ABHD2: variants seen among roughly 807,000 people sequenced by gnomAD.
ABHD2 encodes abhydrolase domain containing 2, acylglycerol lipase.
Under a neutral mutation model 48.1 loss-of-function variants are expected in ABHD2, and 20 were observed. The observed-to-expected ratio is 0.42, with a 90% confidence interval of 0.29 to 0.60. The LOEUF (loss-of-function observed/expected upper bound fraction) is 0.60. Among genes scored for constraint, ABHD2 ranks in the 20% least tolerant of loss-of-function variants. The pLI is 0.24. For missense variants in ABHD2, 405 were observed against 550.9 expected (o/e 0.74, Z 2.65); for synonymous variants, 209 against 214.2 (o/e 0.98, Z 0.21).
rs979351100 is a variant in ABHD2, at chr15:89,185,840, C to T, written c.815+324C>T. On this transcript the variant is annotated intron_variant, in intron 7 of 10. Coordinates refer to ENST00000352732, the MANE Select transcript of ABHD2 (RefSeq NM_152924.5). This position sits in a 1 kb window ranked among gnomAD's most constrained non-coding sequence, Gnocchi z 5.9. ...AAAAATTAGCTGGGCATGATGGTGC[C>T]GCTGTAATCCCAGCTACTTGGGAGG... Among the ~76,000 whole-genome samples, 9 of 152,056 alleles carry T rather than the reference C, an allele frequency of 5.9e-5. No individual in the cohort carries two copies. Among genetic ancestry groups the T allele is most frequent in the African/African-American group, 2.2e-4 (9 of 41,396 alleles).
intron 5 of ABHD2, among the ~76,000 whole-genome samples, chr15:89,163,853 G>A (rs544615048): frequency 6.6e-6 from 1 of 152,298 alleles, no homozygotes; most frequent in East Asian, 1.9e-4. Context: ...GGCCCGACAA[G>A]GATGACTGAC....
At chr15:89,129,673 C>G (rs756870741) in intron 3 of ABHD2, among the ~76,000 whole-genome samples, 1 of 152,096 alleles carries the variant, frequency 6.6e-6, no homozygotes, top group African/African-American at 2.4e-5. Flanking sequence ...TGAGACCCAC[C>G]TGGGCTCAGA....
chr15:89,052,120 A>C, the ABHD2 span, among the ~76,000 whole-genome samples: 8 of 152,222 alleles, frequency 5.3e-5, no homozygotes, highest in Admixed American at 5.2e-4. Context: ...ATTTACTCCC[A>C]CAGTATTATT....
chr15:89,190,185 C>T (rs2051280527), intron 8 of ABHD2, among the ~76,000 whole-genome samples: 1 of 152,154 alleles, frequency 6.6e-6, no homozygotes, highest in Admixed American at 6.5e-5. Flanking sequence ...CAGGAAGACC[C>T]ACCATTCAGA....
chr15:89,054,783 C>A, the ABHD2 span, among the ~76,000 whole-genome samples: 2 of 152,054 alleles, frequency 1.3e-5, no homozygotes, highest in Non-Finnish European at 2.9e-5. Context: ...TTATTCTCTG[C>A]ATATATTTTT....
At chr15:89,165,009 G>A (rs1271601434) in intron 5 of ABHD2, among the ~76,000 whole-genome samples, 1 of 152,242 alleles carries the variant, frequency 6.6e-6, no homozygotes, top group Non-Finnish European at 1.5e-5. Context: ...GCAAGGACGA[G>A]TTTAAGAACC....
chr15:89,134,399 C>G (rs961043959), intron 3 of ABHD2, among the ~76,000 whole-genome samples: 2 of 152,158 alleles, frequency 1.3e-5, no homozygotes, highest in South Asian at 4.1e-4. Flanking sequence ...AACAATCCAT[C>G]TTTACCCCAT....
rs761638190 is a variant in ABHD2, at chr15:89,166,888, T to G, written c.539-8924T>G. On this transcript the variant is annotated intron_variant, in intron 5 of 10. Transcript: ENST00000352732. This position sits in a 1 kb window ranked among gnomAD's most constrained non-coding sequence, Gnocchi z 4.6. Reference sequence around the variant, plus strand: ...TTGGTCTTGCTTAGAGGACGGGACTTCAGTCTTAGAAGGGAGGGAGACCCC... The same window carrying G: ...TTGGTCTTGCTTAGAGGACGGGACTGCAGTCTTAGAAGGGAGGGAGACCCC... Among the ~76,000 whole-genome samples the G allele has an allele frequency of 6.6e-6, 1 of 152,138 alleles. No individual in the cohort carries two copies. Among genetic ancestry groups the G allele is most frequent in the Non-Finnish European group, 1.5e-5 (1 of 68,008 alleles).
At chr15:89,051,706 T>G in the ABHD2 span, among the ~76,000 whole-genome samples, 1 of 152,224 alleles carries the variant, frequency 6.6e-6, no homozygotes, top group African/African-American at 2.4e-5. Context: ...CCCCTGCAGA[T>G]GCTCTCTCTT....
the ABHD2 span, among the ~76,000 whole-genome samples, chr15:89,076,271 C>T: frequency 1.3e-5 from 2 of 152,290 alleles, no homozygotes; most frequent in East Asian, 3.9e-4. Context: ...ATATCATCCA[C>T]CTTCAGCAAT....
intron 10 of ABHD2, 114 bp downstream of exon 10, chr15:89,193,433 C>A: frequency 1.2e-6 from 1 of 821,264 alleles, no homozygotes. Flanking sequence ...GGAAAGACAT[C>A]TCATAGCAGT....
intron 3 of ABHD2, among the ~76,000 whole-genome samples, chr15:89,123,126 G>A (rs2050078031): frequency 6.6e-6 from 1 of 152,174 alleles, no homozygotes; most frequent in African/African-American, 2.4e-5. Context: ...TTAGGGGTGA[G>A]GGGCATACCC....
chr15:89,157,643 A>G (rs937498246), intron 5 of ABHD2, among the ~76,000 whole-genome samples: 1 of 152,096 alleles, frequency 6.6e-6, no homozygotes, highest in African/African-American at 2.4e-5. Context: ...GGAGATGGAG[A>G]CCATCCTGGC....
At chr15:89,044,857 C>T in the ABHD2 span, among the ~76,000 whole-genome samples, 1 of 151,888 alleles carries the variant, frequency 6.6e-6, no homozygotes, top group Admixed American at 6.6e-5. Context: ...TGTAGGTTGC[C>T]TGTTCACTCT....
chr15:89,180,779 T>C (rs569143939), intron 6 of ABHD2, among the ~76,000 whole-genome samples: 1 of 152,326 alleles, frequency 6.6e-6, no homozygotes, highest in East Asian at 1.9e-4. Context: ...CACTGCAGGA[T>C]TACTCTCTTA....
At chr15:89,124,867 T>C (rs1323555737) in intron 3 of ABHD2, among the ~76,000 whole-genome samples, 1 of 152,140 alleles carries the variant, frequency 6.6e-6, no homozygotes, top group Non-Finnish European at 1.5e-5. Context: ...GGCAGGCGGA[T>C]CACCTGAGGT....
the ABHD2 span, among the ~76,000 whole-genome samples, chr15:89,053,777 G>A: frequency 6.3e-3 from 962 of 152,340 alleles, 16 homozygotes; most frequent in African/African-American, 0.022. Context: ...GCCCCTTGGA[G>A]CAAGAGCAGT....
At chr15:89,149,396 A>G (rs2050554338) in intron 3 of ABHD2, among the ~76,000 whole-genome samples, 1 of 152,208 alleles carries the variant, frequency 6.6e-6, no homozygotes, top group South Asian at 2.1e-4. Flanking sequence ...TTAAAAACAT[A>G]TATTTGTCCT....
chr15:89,201,812 A>G lies in ABHD2; in HGVS notation c.*6389A>G. On this transcript the variant is annotated 3_prime_UTR_variant, in exon 11 of 11. Coordinates refer to ENST00000352732, the MANE Select transcript of ABHD2 (RefSeq NM_152924.5). ...CGGAGGCAGACGCCATTGGAGAGAC[A>G]GCGCAGAGCAGGGGGCGGCTTGCTC... 2 of 1,325,630 alleles carry G rather than the reference A, an allele frequency of 1.5e-6. No individual in the cohort carries two copies. The highest frequency in any genetic ancestry group is 2.2e-6 in the Non-Finnish European group (2 of 926,248). The allele number at this position is 1,325,630 out of a possible 1,614,324, so 82.1% of individuals were successfully genotyped here.
Sources: allele counts gnomAD v4.1 joint callset (sites outside exome capture counted in the v4.1 genomes callset), GRCh38; gene constraint gnomAD v4.1.1; non-coding constraint Gnocchi (gnomAD v3.1); transcripts MANE v1.5; gene names NCBI Gene and HGNC (gene_info 2026-07-23, HGNC 2026-07-21).